The following RSF1 variants were observed in gnomAD, a reference collection of about 807,000 sequenced individuals.
The protein encoded by RSF1 is HBV pX-associated protein 8.
RSF1 carries 13 observed loss-of-function variants against 145.2 expected under a neutral mutation model. The ratio of observed to expected loss-of-function variants is 0.09; its 90% CI spans 0.06 to 0.14. RSF1 has a LOEUF of 0.14. RSF1 is among the 10% of genes least tolerant of loss of function. The pLI is 1.00. For synonymous variants in RSF1, 577 were observed against 592.6 expected, an observed-to-expected ratio of 0.97 and a Z score of 0.38; for missense variants, 1,517 against 1,718.2, an observed-to-expected ratio of 0.88 and a Z score of 2.07.
intron 2 of RSF1, among the ~76,000 whole-genome samples, chr11:77,747,375 T>G (rs1295994214): frequency 1.3e-5 from 2 of 152,238 alleles, no homozygotes; most frequent in Non-Finnish European, 2.9e-5. Context: ...TCAAGAACTT[T>G]ATACATACTT....
chr11:77,729,883 TTATTCAG>T (rs1446165267), intron 4 of RSF1, among the ~76,000 whole-genome samples: 2 of 68,564 alleles, frequency 2.9e-5, no homozygotes, highest in East Asian at 8.6e-4. Context: ...AAATGCCAAA[TTATTCAG>T]TAGGCAAAAA....
intron 1 of RSF1, among the ~76,000 whole-genome samples, chr11:77,772,848 GAAAAAAAA>G (rs1161762028): frequency 1.2e-5 from 1 of 85,194 alleles, no homozygotes; most frequent in African/African-American, 4.9e-5. Flanking sequence ...GCCCAAGATG[GAAAAAAAA>G]AAAAAAAAAA....
intron 15 of RSF1, among the ~76,000 whole-genome samples, chr11:77,670,747 T>A (rs2135809523): frequency 6.6e-6 from 1 of 152,228 alleles, no homozygotes. Context: ...TTTTTTTCCC[T>A]TTCTCTTTTG....
intron 1 of RSF1, among the ~76,000 whole-genome samples, chr11:77,781,114 TG>T (rs1244177526): frequency 6.6e-6 from 1 of 151,828 alleles, no homozygotes; most frequent in Non-Finnish European, 1.5e-5. Context: ...CTTTTTTTTT[TG>T]AGAGAGAGAG....
chr11:77,751,321 A>C (rs1263051321), intron 2 of RSF1, among the ~76,000 whole-genome samples: 1 of 152,212 alleles, frequency 6.6e-6, no homozygotes, highest in Non-Finnish European at 1.5e-5. Context: ...CTAAGAGCCT[A>C]AGATCTCATC....
chr11:77,709,620 C>T (rs1246310202), intron 5 of RSF1, among the ~76,000 whole-genome samples: 2 of 152,074 alleles, frequency 1.3e-5, no homozygotes, highest in African/African-American at 2.4e-5. Context: ...TCAAGATGCA[C>T]ATAATGGAAA....
At position 77,740,849 on chromosome 11, in the gene RSF1, T is replaced by C. The variant is rs141688686; in HGVS notation, c.460A>G (p.Ile154Val). ...ATGAGGCCATCTTTGTCTCGACCAA[T>C]TGGCTGGAGACGCATAGTATCGGCA... ...EDADTMRLQP[I>V]GRDKDGLMYW... Residue 154 changes from isoleucine to valine, a missense_variant, in exon 4 of 16, where the codon ATT (isoleucine) becomes GTT (valine). Transcript: ENST00000308488. 76 of 1,613,976 alleles carry C rather than the reference T, an allele frequency of 4.7e-5. No homozygotes were observed. Among genetic ancestry groups the C allele is most frequent in the African/African-American group, 1.5e-4 (11 of 74,936 alleles).
intron 1 of RSF1, among the ~76,000 whole-genome samples, chr11:77,779,336 T>C (rs1948379480): frequency 6.6e-6 from 1 of 152,040 alleles, no homozygotes; most frequent in Non-Finnish European, 1.5e-5. Flanking sequence ...GCCTCCCTAG[T>C]AGCTAGGACT....
At chr11:77,859,602 G>A in the RSF1 span, among the ~76,000 whole-genome samples, 5 of 152,114 alleles carry the variant, frequency 3.3e-5, no homozygotes, top group African/African-American at 9.7e-5. Flanking sequence ...TGGAGTGAGG[G>A]GATTACTTTC....
At chr11:77,837,483 C>T in the RSF1 span, among the ~76,000 whole-genome samples, 1 of 145,680 alleles carries the variant, frequency 6.9e-6, no homozygotes, top group African/African-American at 2.6e-5. Flanking sequence ...GAGATGGAGT[C>T]TCGCTCTGTC....
chr11:77,792,127 G>A (rs1259871568), intron 1 of RSF1, among the ~76,000 whole-genome samples: 1 of 152,166 alleles, frequency 6.6e-6, no homozygotes, highest in African/African-American at 2.4e-5. Context: ...AGGCAAGGAG[G>A]AGCAACTCAC....
At chr11:77,668,386 A>G (rs1234312314) in intron 15 of RSF1, among the ~76,000 whole-genome samples, 2 of 152,218 alleles carry the variant, frequency 1.3e-5, no homozygotes, top group East Asian at 3.9e-4. Context: ...ACTCCTTCCC[A>G]CTAGTACACA....
chr11:77,864,147 G>A, the RSF1 span, among the ~76,000 whole-genome samples: 5 of 151,886 alleles, frequency 3.3e-5, no homozygotes, highest in African/African-American at 9.7e-5. Context: ...GGCTGGTCTC[G>A]AACTCCTGAC....
intron 1 of RSF1, among the ~76,000 whole-genome samples, chr11:77,803,635 C>T (rs1006673871): frequency 6.6e-6 from 1 of 151,462 alleles, no homozygotes; most frequent in South Asian, 2.1e-4. Context: ...AAAAATTAGC[C>T]GGGCATGGTG....
At chr11:77,687,575 C>T (rs559390722) in intron 9 of RSF1, among the ~76,000 whole-genome samples, 2 of 152,042 alleles carry the variant, frequency 1.3e-5, no homozygotes. Flanking sequence ...GGTGTGGTGG[C>T]GTGTGCCTGT....
chr11:77,793,044 G>C (rs1948535956), intron 1 of RSF1, among the ~76,000 whole-genome samples: 1 of 152,062 alleles, frequency 6.6e-6, no homozygotes, highest in Admixed American at 6.6e-5. Flanking sequence ...AGATAAACAA[G>C]AAAAAGAAAA....
chr11:77,738,861 T>G (rs1961433543), intron 4 of RSF1: 1 of 150,510 alleles, frequency 6.6e-6, no homozygotes, highest in Admixed American at 6.6e-5. Context: ...TTTTTTTTAT[T>G]TTAGTAGAGA....
In RSF1 at chr11:77,698,606, C is replaced by T; in HGVS notation, c.2596G>A (p.Gly866Ser). ...YSSNDESEGS[G>S]SEKSSAASEE... ...GAAGCTGCAGATGATTTTTCACTGC[C>T]AGACCCTTCACTTTCATCATTGCTG... Residue 866 changes from glycine (G) to serine (S), a missense_variant, in exon 7 of 16, where the codon GGC becomes AGC. Transcript: ENST00000308488. 1.2e-6 allele frequency: 2 copies of T among 1,614,030 alleles called. No individual in the cohort carries two copies. The highest frequency in any genetic ancestry group is 1.7e-6 in the Non-Finnish European group (2 of 1,179,978).
chr11:77,711,115 C>A (rs1011902838), intron 5 of RSF1, among the ~76,000 whole-genome samples: 64 of 149,136 alleles, frequency 4.3e-4, no homozygotes, highest in Non-Finnish European at 2.8e-4. Context: ...ACATAGACAC[C>A]CCCCCTGACC....
Sources: gnomAD v4.1 joint callset for allele counts (sites outside exome capture counted in the v4.1 genomes callset) on GRCh38, gnomAD v4.1.1 for gene constraint, MANE v1.5 for transcripts, NCBI Gene and HGNC (gene_info 2026-07-23, HGNC 2026-07-21) for gene names.